ERICH1: variants seen among roughly 807,000 people sequenced by gnomAD.
The protein encoded by ERICH1 is glutamate rich 1, also known as glutamate-rich protein 1.
ERICH1 carries 56 observed loss-of-function variants against 39.6 expected under a neutral mutation model. That is an observed-to-expected ratio of 1.41 (90% CI 1.14 to 1.77). The LOEUF (loss-of-function observed/expected upper bound fraction) is 1.77. ERICH1 is among the 40% of genes most tolerant of loss of function. The probability of loss-of-function intolerance (pLI) is 0.00; values close to 1 mark genes in which losing one functional copy is unlikely to be tolerated. For synonymous variants in ERICH1, 313 were observed against 223.6 expected, an observed-to-expected ratio of 1.40 and a Z score of -3.57; for missense variants, 826 against 575.4, an observed-to-expected ratio of 1.44 and a Z score of -4.45.
Position 692,614 on chromosome 8 carries a change from T to G in ERICH1, c.170-2A>C, listed in dbSNP as rs757353451. 1.3e-6 allele frequency: 2 copies of G among 1,579,212 alleles called. No individual in the cohort carries two copies. The highest frequency in any genetic ancestry group is 2.3e-5 in the East Asian group (1 of 43,454). On this transcript the variant is annotated splice_acceptor_variant, in intron 2 of 5. Coordinates refer to ENST00000262109, the MANE Select transcript of ERICH1 (RefSeq NM_207332.3). LOFTEE classifies it high-confidence loss of function. ...CAGTCGGGGTCTCAGAGCCAGTGTCTGCAACACAGGAGGAAAATAACAGGA... is the reference window on the plus strand; with the variant it reads ...CAGTCGGGGTCTCAGAGCCAGTGTCGGCAACACAGGAGGAAAATAACAGGA...
At chr8:723,035 T>A (rs1319938957) in intron 1 of ERICH1, among the ~76,000 whole-genome samples, 2 of 152,210 alleles carry the variant, frequency 1.3e-5, no homozygotes, top group African/African-American at 4.8e-5. Flanking sequence ...CTGGGAGGTG[T>A]CTGGGCCATG....
chr8:684,857 C>A (rs532759607), intron 3 of ERICH1, among the ~76,000 whole-genome samples: 1 of 152,110 alleles, frequency 6.6e-6, no homozygotes, highest in Non-Finnish European at 1.5e-5. Flanking sequence ...TGTACAAATA[C>A]GGTATGGGTC....
At chr8:694,120 C>T (rs958753810) in intron 2 of ERICH1, among the ~76,000 whole-genome samples, 2 of 152,206 alleles carry the variant, frequency 1.3e-5, no homozygotes, top group Non-Finnish European at 2.9e-5. Context: ...TGAGCAAAAT[C>T]ACAACCACAC....
intron 2 of ERICH1, among the ~76,000 whole-genome samples, chr8:711,925 G>A (rs1325495350): frequency 6.6e-6 from 1 of 152,162 alleles, no homozygotes; most frequent in African/African-American, 2.4e-5. Flanking sequence ...GCCTTTGTTT[G>A]CTCCTGTATC....
chr8:628,804 C>T (rs1296966177), intron 3 of ERICH1, among the ~76,000 whole-genome samples: 2 of 152,212 alleles, frequency 1.3e-5, no homozygotes, highest in East Asian at 3.8e-4. Context: ...CAGAAGCTTT[C>T]ATGAACGTTT....
Position 713,013 on chromosome 8 carries a change from A to G in ERICH1, c.169+2848T>C, listed in dbSNP as rs542956608. Among the ~76,000 whole-genome samples the G allele has an allele frequency of 4.1e-4, 62 of 152,376 alleles. 1 individual carries two copies. The South Asian group carries it at 0.012, about 30-fold the overall frequency. On this transcript the variant is annotated intron_variant, in intron 2 of 5. Transcript: ENST00000262109. ...GACATTTGTTCTCTCACAGCCCGGA[A>G]GGCTGGAAGGCCAAGGTCATAGTCT...
intron 2 of ERICH1, among the ~76,000 whole-genome samples, chr8:699,841 G>GCACAGACCCGCACACGCA (rs1325815847): frequency 2.7e-5 from 3 of 110,566 alleles, no homozygotes; most frequent in Admixed American, 2.0e-4. Context: ...CCGCACAGGC[G>GCACAGACCCGCACACGCA]CACAGACCCG....
At chr8:653,962 G>A (rs961374538) in intron 3 of ERICH1, among the ~76,000 whole-genome samples, 5 of 152,164 alleles carry the variant, frequency 3.3e-5, no homozygotes, top group African/African-American at 1.2e-4. Flanking sequence ...ATCCCGCAGG[G>A]TGGCACTGAG....
chr8:661,362 C>T (rs546727835), downstream of ERICH1, among the ~76,000 whole-genome samples: 75 of 152,258 alleles, frequency 4.9e-4, no homozygotes, highest in Admixed American at 1.8e-3. Context: ...AAATTAGAGA[C>T]CGGCTTGTGC....
At chr8:633,837 C>A (rs1198558427) in intron 3 of ERICH1, among the ~76,000 whole-genome samples, 1 of 152,180 alleles carries the variant, frequency 6.6e-6, no homozygotes, top group South Asian at 2.1e-4. Flanking sequence ...GACATCCACA[C>A]GCAAAGGAAT....
intron 3 of ERICH1, among the ~76,000 whole-genome samples, chr8:687,003 G>A (rs1182236449): frequency 1.3e-5 from 2 of 152,198 alleles, no homozygotes; most frequent in South Asian, 2.1e-4. Flanking sequence ...GAGAAGTCAC[G>A]CTAGGACTCC....
intron 3 of ERICH1, among the ~76,000 whole-genome samples, chr8:630,336 C>T (rs1403496899): frequency 9.7e-5 from 11 of 113,228 alleles, no homozygotes; most frequent in East Asian, 2.4e-4. Context: ...CACAACCTCC[C>T]GTGAGCACCC....
At chr8:731,106 G>T in intron 1 of ERICH1, 34 bp downstream of exon 1, 1 of 1,465,442 alleles carries the variant, frequency 6.8e-7, no homozygotes, top group Non-Finnish European at 9.0e-7. Context: ...CCGGGTCTGG[G>T]GTCTGGGCAG....
chr8:698,838 T>G lies in ERICH1; in HGVS notation c.170-6226A>C, dbSNP rs369011714. Among the ~76,000 whole-genome samples the G allele has an allele frequency of 4.7e-4, 71 of 151,414 alleles. No individual in the cohort carries two copies. The South Asian group carries it at 0.013, about 27-fold the overall frequency. On this transcript the variant is annotated intron_variant, in intron 2 of 5. Transcript: ENST00000262109. ...CTGGAGGCAAAACCAGGGCTCACGG[T>G]GCACCTCCGTCCTCCTCAGGTAGGA...
intron 3 of ERICH1, chr8:616,486 C>A: frequency 2.2e-6 from 1 of 455,366 alleles, no homozygotes; most frequent in South Asian, 1.6e-5. Context: ...CAGACAGGTA[C>A]GGCCAGAGCA....
chr8:643,438 T>C (rs900608233), intron 3 of ERICH1, among the ~76,000 whole-genome samples: 2 of 152,060 alleles, frequency 1.3e-5, no homozygotes, highest in Non-Finnish European at 2.9e-5. Flanking sequence ...GGATGCTCCA[T>C]CCAGGGGGCA....
intron 3 of ERICH1, among the ~76,000 whole-genome samples, chr8:684,734 G>T (rs1806906842): frequency 6.6e-6 from 1 of 152,176 alleles, no homozygotes; most frequent in Non-Finnish European, 1.5e-5. Context: ...ACAAAAGAGA[G>T]AAATTTTAAA....
At chr8:631,526 G>A (rs1421695811) in intron 3 of ERICH1, among the ~76,000 whole-genome samples, 3 of 152,190 alleles carry the variant, frequency 2.0e-5, no homozygotes, top group Non-Finnish European at 4.4e-5. Flanking sequence ...GACGGATTGG[G>A]CGAGAAGTCT....
chr8:659,818 TCCGGTG>T (rs1801144297), downstream of ERICH1, among the ~76,000 whole-genome samples: 3 of 53,154 alleles, frequency 5.6e-5, no homozygotes, highest in African/African-American at 1.9e-4. Flanking sequence ...CATCGAGATC[TCCGGTG>T]TGCACTGACC....
Sources: allele counts gnomAD v4.1 joint callset (sites outside exome capture counted in the v4.1 genomes callset), GRCh38; gene constraint gnomAD v4.1.1; transcripts MANE v1.5; gene names NCBI Gene and HGNC (gene_info 2026-07-23, HGNC 2026-07-21).